Variants in WIF1 observed in about 807,000 individuals in gnomAD.
The protein encoded by WIF1 is Wnt inhibitory factor 1.
A neutral mutation model predicts 53.5 loss-of-function variants in WIF1; 35 were observed. The observed-to-expected ratio is 0.65, with a 90% CI of 0.50 to 0.87. The LOEUF is 0.87. Ranked by LOEUF, WIF1 falls within the 40% of genes least tolerant of loss-of-function variation. The pLI is 0.00. For missense variants in WIF1, 467 were observed against 476.8 expected, an observed-to-expected ratio of 0.98 and a Z score of 0.19; for synonymous variants, 171 against 170.4, an observed-to-expected ratio of 1.00 and a Z score of -0.03.
chr12:65,062,952 A>G lies in WIF1; in HGVS notation c.731-376T>C, dbSNP rs191255634. On this transcript the variant is annotated intron_variant, in intron 6 of 9. Transcript: ENST00000286574. ...TCAGTTTAGAGGATAAGAGAAGAGTAAAAAGGAGAAGACTTACTTTGGAAT... is the reference window on the plus strand; with the variant it reads ...TCAGTTTAGAGGATAAGAGAAGAGTGAAAAGGAGAAGACTTACTTTGGAAT... Among the ~76,000 whole-genome samples the G allele has an allele frequency of 2.3e-3, 348 of 152,316 alleles. 1 individual carries two copies. The highest frequency in any genetic ancestry group is 8.1e-3 in the African/African-American group (337 of 41,588).
At chr12:65,120,970 A>T in intron 1 of WIF1, 74 bp downstream of exon 1, 1 of 1,355,950 alleles carries the variant, frequency 7.4e-7, no homozygotes, top group Non-Finnish European at 9.6e-7. Flanking sequence ...CAAGAAACGC[A>T]GGTATCCCTC....
intron 2 of WIF1, among the ~76,000 whole-genome samples, chr12:65,119,785 C>T (rs1213705476): frequency 6.6e-6 from 1 of 152,110 alleles, no homozygotes; most frequent in Admixed American, 6.5e-5. Context: ...ATAAAAGATG[C>T]TAATGTGCTA....
chr12:65,098,541 C>T (rs1234912618), intron 2 of WIF1, among the ~76,000 whole-genome samples: 1 of 152,080 alleles, frequency 6.6e-6, no homozygotes, highest in East Asian at 1.9e-4. Flanking sequence ...TTGTTCAATA[C>T]CTACTATGTC....
At chr12:65,098,731 C>A (rs973757936) in intron 2 of WIF1, among the ~76,000 whole-genome samples, 1 of 152,064 alleles carries the variant, frequency 6.6e-6, no homozygotes, top group African/African-American at 2.4e-5. Flanking sequence ...TAGAGAAAAA[C>A]TGTAGGCAAC....
At chr12:65,104,455 A>T (rs200715610) in intron 2 of WIF1, among the ~76,000 whole-genome samples, 1 of 152,174 alleles carries the variant, frequency 6.6e-6, no homozygotes, top group East Asian at 1.9e-4. Context: ...GCAATTCATC[A>T]TGGATTCTGC....
intron 2 of WIF1, among the ~76,000 whole-genome samples, chr12:65,080,099 G>A (rs1232964036): frequency 6.6e-6 from 1 of 152,140 alleles, no homozygotes; most frequent in Non-Finnish European, 1.5e-5. Flanking sequence ...ATAATGCCAA[G>A]GGGTAGTCTC....
chr12:65,086,948 C>T (rs1196685661), intron 2 of WIF1, among the ~76,000 whole-genome samples: 2 of 151,072 alleles, frequency 1.3e-5, no homozygotes, highest in African/African-American at 4.9e-5. Flanking sequence ...TGAGACCAGC[C>T]TGCCCAACAT....
At chr12:65,117,128 T>A (rs1293966297) in intron 2 of WIF1, among the ~76,000 whole-genome samples, 1 of 152,004 alleles carries the variant, frequency 6.6e-6, no homozygotes, top group East Asian at 1.9e-4. Flanking sequence ...CTAAGTTGTA[T>A]CTATTTTTTA....
chr12:65,092,128 C>T (rs972344558), intron 2 of WIF1, among the ~76,000 whole-genome samples: 53 of 152,048 alleles, frequency 3.5e-4, no homozygotes, highest in African/African-American at 1.3e-3. Context: ...AGTTCATGTC[C>T]TTTGCAGGGA....
intron 2 of WIF1, among the ~76,000 whole-genome samples, chr12:65,112,492 G>C: frequency 6.8e-6 from 1 of 146,964 alleles, no homozygotes; most frequent in East Asian, 2.0e-4. Flanking sequence ...TCTTTTGAAA[G>C]TTTATTAAGA....
intron 2 of WIF1, among the ~76,000 whole-genome samples, chr12:65,094,396 T>C (rs531346452): frequency 1.3e-5 from 2 of 152,320 alleles, no homozygotes; most frequent in East Asian, 3.9e-4. Flanking sequence ...TGCTCTCATG[T>C]GAAGATCCCA....
intron 5 of WIF1, among the ~76,000 whole-genome samples, chr12:65,067,490 A>T (rs140731318): frequency 2.4e-4 from 37 of 152,362 alleles, no homozygotes; most frequent in Middle Eastern, 3.4e-3. Context: ...ATGCCAAAGT[A>T]CAGTGGCTAT....
At chr12:65,093,172 G>A (rs1883150826) in intron 2 of WIF1, among the ~76,000 whole-genome samples, 3 of 152,260 alleles carry the variant, frequency 2.0e-5, no homozygotes, top group Admixed American at 2.0e-4. Flanking sequence ...ATCTGCCTGA[G>A]CATCCATCCA....
At chr12:65,059,845 G>A (rs956174500) in intron 7 of WIF1, among the ~76,000 whole-genome samples, 2 of 151,876 alleles carry the variant, frequency 1.3e-5, no homozygotes, top group Non-Finnish European at 2.9e-5. Context: ...AGAGATGAGG[G>A]TTTGCCATGT....
chr12:65,119,210 G>A (rs1883559032), intron 2 of WIF1, among the ~76,000 whole-genome samples: 1 of 152,082 alleles, frequency 6.6e-6, no homozygotes, highest in South Asian at 2.1e-4. Context: ...GGACTTGTAG[G>A]GAGAAAAGGA....
intron 2 of WIF1, among the ~76,000 whole-genome samples, chr12:65,081,120 G>A (rs1248898607): frequency 7.8e-6 from 1 of 128,980 alleles, no homozygotes; most frequent in Non-Finnish European, 1.7e-5. Flanking sequence ...GTGCATTTAT[G>A]TATTTTTTTT....
At chr12:65,091,197 T>C (rs1187958223) in intron 2 of WIF1, among the ~76,000 whole-genome samples, 2 of 151,676 alleles carry the variant, frequency 1.3e-5, no homozygotes, top group Non-Finnish European at 2.9e-5. Context: ...ATCCAGACTA[T>C]AGAAAACTCT....
intron 3 of WIF1, among the ~76,000 whole-genome samples, chr12:65,071,231 CAAAAAAA>C (rs67928556): frequency 8.4e-5 from 6 of 71,148 alleles, no homozygotes; most frequent in Admixed American, 1.7e-4. Context: ...AAGACTCCAT[CAAAAAAA>C]AAAAAAAAAA....
intron 2 of WIF1, among the ~76,000 whole-genome samples, chr12:65,099,927 T>C (rs1302746165): frequency 3.3e-5 from 5 of 152,132 alleles, no homozygotes; most frequent in Admixed American, 3.3e-4. Flanking sequence ...ATTGAGGAAA[T>C]AACACCTCTG....
Sources: gnomAD v4.1 joint callset for allele counts (sites outside exome capture counted in the v4.1 genomes callset) on GRCh38, gnomAD v4.1.1 for gene constraint, MANE v1.5 for transcripts, NCBI Gene and HGNC (gene_info 2026-07-23, HGNC 2026-07-21) for gene names.